Variants in NECTIN1 observed in about 807,000 individuals in gnomAD.
The protein encoded by NECTIN1 is nectin cell adhesion molecule 1, also known as nectin-1.
In NECTIN1, 23 loss-of-function variants were observed where a neutral mutation model predicts 48.0. The observed-to-expected ratio is 0.48, with a 90% CI of 0.34 to 0.68. The LOEUF is 0.68. Among genes scored for constraint, NECTIN1 ranks in the 30% least tolerant of loss-of-function variants. The pLI, the probability that NECTIN1 is intolerant of heterozygous loss-of-function variation, is 0.01. For missense variants in NECTIN1, 591 were observed against 709.9 expected (o/e 0.83, Z 1.90); for synonymous variants, 270 against 288.9 (o/e 0.93, Z 0.66).
chr11:119,645,908 T>C (rs1259557840), intron 5 of NECTIN1, among the ~76,000 whole-genome samples: 1 of 152,204 alleles, frequency 6.6e-6, no homozygotes, highest in Non-Finnish European at 1.5e-5. Context: ...AGTTCTTTCC[T>C]TGGCTCAGAC....
chr11:119,728,297 C>T (rs1865950499), intron 1 of NECTIN1, among the ~76,000 whole-genome samples, 178 bp downstream of exon 1: 1 of 152,230 alleles, frequency 6.6e-6, no homozygotes, highest in South Asian at 2.1e-4. Flanking sequence ...GCAGGGCAGG[C>T]GGTTCGGCTT....
At chr11:119,650,388 C>T (rs896493607) in intron 5 of NECTIN1, among the ~76,000 whole-genome samples, 2 of 152,232 alleles carry the variant, frequency 1.3e-5, no homozygotes, top group Non-Finnish European at 2.9e-5. Flanking sequence ...TCCATAGCAT[C>T]TTTTCCAGGA....
rs188649891 is a variant in NECTIN1 at position 119,727,621 on chromosome 11, T to G, written c.79+854A>C. 7.8e-4 allele frequency among the ~76,000 whole-genome samples: 119 copies of G among 152,206 alleles called. No homozygotes were observed. Among genetic ancestry groups the G allele is most frequent in the Non-Finnish European group, 1.2e-3 (80 of 67,980 alleles). On this transcript the variant is annotated intron_variant, in intron 1 of 5. Coordinates refer to ENST00000264025, the MANE Select transcript of NECTIN1 (RefSeq NM_002855.5). This position sits in a 1 kb window ranked among gnomAD's most constrained non-coding sequence, Gnocchi z 4.1. ...CCCCAGCACAATATGCCTGGGCTGGTCCCAGCCTCCGTCCCCACCCCACCC... is the reference window on the plus strand; with the variant it reads ...CCCCAGCACAATATGCCTGGGCTGGGCCCAGCCTCCGTCCCCACCCCACCC...
chr11:119,716,696 C>T (rs532316455), intron 1 of NECTIN1, among the ~76,000 whole-genome samples: 8 of 152,238 alleles, frequency 5.3e-5, no homozygotes, highest in Non-Finnish European at 8.8e-5. Flanking sequence ...AGACCTTGCC[C>T]GGACAGTCAT....
Position 119,677,666 on chromosome 11 carries a change from T to C in NECTIN1, c.622A>G (p.Ile208Val). ...IRNPNGTVTV[I>V]SRYRLVPSRE... Reference sequence around the variant, plus strand: ...CTGGGCACCAGGCGGTAGCGGCTGATGACCGTCACTGTGCCATTGGGGTTC... The same window carrying C: ...CTGGGCACCAGGCGGTAGCGGCTGACGACCGTCACTGTGCCATTGGGGTTC... The change falls in exon 3 of 6, where the codon ATC becomes GTC. Residue 208 changes from isoleucine to valine, a missense_variant. By Grantham distance (29) the Ile-to-Val change is conservative. Transcript: ENST00000264025. The surrounding 1 kb of genome is among the most constrained non-coding windows in gnomAD (Gnocchi z 5.4). The C allele has an allele frequency of 6.2e-7, 1 of 1,614,150 alleles. No homozygotes were observed. Among genetic ancestry groups the C allele is most frequent in the South Asian group, 1.1e-5 (1 of 91,078 alleles).
chr11:119,642,235 C>T (rs1467503224), intron 5 of NECTIN1: 1 of 152,206 alleles, frequency 6.6e-6, no homozygotes, highest in Admixed American at 6.5e-5. Context: ...CACCTTGAGT[C>T]CAGCCACCAC....
Position 119,663,029 on chromosome 11 carries a change from G to GAGGGGA in NECTIN1, c.*1717_*1718insTCCCCT, listed in dbSNP as rs1555076840. 12,432 of 950,340 alleles carry GAGGGGA rather than the reference G, an allele frequency of 0.013. 1,170 individuals are homozygous for GAGGGGA. The African/African-American group carries it at 0.2, about 15-fold the overall frequency. 58.9% of individuals were successfully genotyped at this position (950,340 alleles called of 1,614,324 possible). A position where few individuals can be genotyped will look rare whatever the true frequency, so the allele number is the denominator to read the frequency against. ...AATAGCAGCACCAGGGAGGGGAGGGGAGGGGTTGGGGGGCTCCCTTAGGAA... is the reference window on the plus strand; with the variant it reads ...AATAGCAGCACCAGGGAGGGGAGGGGAGGGGAAGGGGTTGGGGGGCTCCCTTAGGAA... On this transcript the variant is annotated 3_prime_UTR_variant, in exon 6 of 6. Transcript: ENST00000264025.
At chr11:119,675,511 T>G in intron 4 of NECTIN1, 1 of 588,840 alleles carries the variant, frequency 1.7e-6, no homozygotes. Context: ...TATTTGATCA[T>G]AATATGGGAA....
intron 5 of NECTIN1, chr11:119,640,304 C>T: frequency 2.1e-6 from 1 of 469,256 alleles, no homozygotes; most frequent in Non-Finnish European, 3.9e-6. Context: ...GCAGCAGGTG[C>T]TGAGATGGGG....
At chr11:119,690,265 G>A (rs1007032880) in intron 1 of NECTIN1, among the ~76,000 whole-genome samples, 2 of 152,006 alleles carry the variant, frequency 1.3e-5, no homozygotes, top group African/African-American at 2.4e-5. Context: ...ACCCCAGCAG[G>A]CCAGCCTCTC....
intron 1 of NECTIN1, among the ~76,000 whole-genome samples, chr11:119,715,514 C>G (rs1298030678): frequency 6.6e-6 from 1 of 152,080 alleles, no homozygotes; most frequent in Non-Finnish European, 1.5e-5. Context: ...CATAACCATG[C>G]CTGGCTAATT....
chr11:119,679,271 T>G (rs1261913574), intron 1 of NECTIN1, among the ~76,000 whole-genome samples: 1 of 152,116 alleles, frequency 6.6e-6, no homozygotes, highest in Non-Finnish European at 1.5e-5. Context: ...CCTCTCTACC[T>G]CACGAGGTTA....
intron 5 of NECTIN1, among the ~76,000 whole-genome samples, chr11:119,653,117 C>T (rs997270378): frequency 6.6e-5 from 10 of 152,192 alleles, no homozygotes; most frequent in Non-Finnish European, 1.3e-4. Flanking sequence ...ACATGAATGA[C>T]TCACAGTCTT....
At chr11:119,638,616 G>T in intron 7 of NECTIN1, 2 of 972,432 alleles carry the variant, frequency 2.1e-6, no homozygotes, top group South Asian at 1.4e-5. Flanking sequence ...GTGGGAACTG[G>T]ACCATGAAGG....
chr11:119,645,026 C>T (rs1352992502), intron 5 of NECTIN1, among the ~76,000 whole-genome samples: 1 of 152,216 alleles, frequency 6.6e-6, no homozygotes, highest in Non-Finnish European at 1.5e-5. Flanking sequence ...CAGAGCTCCC[C>T]AGGGCAGCCA....
rs755806347 is a variant in NECTIN1 at position 119,665,043 on chromosome 11, C to A, written c.1258G>T (p.Asp420Tyr). ...GCCTTCTTCTCGTCGTCTGAGTCGT[C>A]GGGGTACTGCAGGTTCTGTGCCATT... Reference protein sequence around the residue: ...PPMAQNLQYPDDSDDEKKAGP... With the variant: ...PPMAQNLQYPYDSDDEKKAGP... Residue 420 changes from aspartate to tyrosine, a missense_variant, in exon 6 of 6, where the codon GAC becomes TAC. Asp to Tyr is a radical substitution (Grantham distance 160, BLOSUM62 -3). Transcript: ENST00000264025. The surrounding 1 kb of genome is among the most constrained non-coding windows in gnomAD (Gnocchi z 5.1). 3 of 1,613,866 alleles carry A rather than the reference C, an allele frequency of 1.9e-6. No homozygotes were observed. Among genetic ancestry groups the A allele is most frequent in the Non-Finnish European group, 2.5e-6 (3 of 1,179,920 alleles).
intron 1 of NECTIN1, among the ~76,000 whole-genome samples, chr11:119,690,530 G>C (rs1170988857): frequency 6.6e-6 from 1 of 152,218 alleles, no homozygotes; most frequent in Non-Finnish European, 1.5e-5. Context: ...TCTTCAGCTA[G>C]TGTGGCCTCA....
rs567057840 is a variant in NECTIN1, at chr11:119,727,314, G to A, written c.79+1161C>T. Among the ~76,000 whole-genome samples, 64 of 152,284 alleles carry A rather than the reference G, an allele frequency of 4.2e-4. No homozygotes were observed. In the South Asian group the frequency reaches 0.013, roughly 32 times the overall value. On this transcript the variant is annotated intron_variant, in intron 1 of 5. Transcript: ENST00000264025. This position sits in a 1 kb window ranked among gnomAD's most constrained non-coding sequence, Gnocchi z 4.1. ...GGGATCTAATATTCCTGCCCCACGA[G>A]GAGATGGTCTCTGTACACTGACCCC...
chr11:119,686,292 T>A (rs1865151848), intron 1 of NECTIN1, among the ~76,000 whole-genome samples: 1 of 152,152 alleles, frequency 6.6e-6, no homozygotes, highest in Non-Finnish European at 1.5e-5. Context: ...TTCTCAATAT[T>A]CCCGGGCTGG....
Sources: allele counts gnomAD v4.1 joint callset (sites outside exome capture counted in the v4.1 genomes callset), GRCh38; gene constraint gnomAD v4.1.1; non-coding constraint Gnocchi (gnomAD v3.1); transcripts MANE v1.5; gene names NCBI Gene and HGNC (gene_info 2026-07-23, HGNC 2026-07-21).